RELN: variants seen among roughly 807,000 people sequenced by gnomAD.
The protein encoded by RELN is reelin.
Under a neutral mutation model 427.6 loss-of-function variants are expected in RELN, and 108 were observed. The ratio of observed to expected loss-of-function variants is 0.25; its 90% CI spans 0.22 to 0.30. RELN has a LOEUF of 0.30. Among genes scored for constraint, RELN ranks in the 10% least tolerant of loss-of-function variants. The probability of loss-of-function intolerance (pLI) is 1.00; values close to 1 mark genes in which losing one functional copy is unlikely to be tolerated. For missense variants in RELN, 3,715 were observed against 4,302.8 expected (o/e 0.86, Z 3.82); for synonymous variants, 1,524 against 1,513.4 (o/e 1.01, Z -0.16).
At chr7:103,809,872 A>C (rs148848403) in intron 3 of RELN, among the ~76,000 whole-genome samples, 3 of 152,184 alleles carry the variant, frequency 2.0e-5, no homozygotes, top group African/African-American at 7.2e-5. Context: ...TGCTGTGACC[A>C]TAAGCATCAG....
chr7:103,539,403 T>C, intron 44 of RELN, 76 bp from the exon 45 acceptor site: 1 of 1,468,268 alleles, frequency 6.8e-7, no homozygotes, highest in Non-Finnish European at 9.3e-7. Context: ...TTTTCGTTTG[T>C]TTGTTTGTTT....
intron 3 of RELN, among the ~76,000 whole-genome samples, chr7:103,825,880 T>C (rs1379353959): frequency 6.6e-6 from 1 of 152,102 alleles, no homozygotes; most frequent in Admixed American, 6.6e-5. Flanking sequence ...TGTGTGTATG[T>C]GTGTGTGCCT....
intron 48 of RELN, 107 bp downstream of exon 48, chr7:103,521,915 T>A: frequency 9.0e-7 from 1 of 1,106,884 alleles, no homozygotes; most frequent in South Asian, 1.3e-5. Context: ...ACATTTAGGG[T>A]AACTAACCCT....
chr7:103,516,182 T>A (rs1291718838), intron 49 of RELN, among the ~76,000 whole-genome samples: 1 of 152,046 alleles, frequency 6.6e-6, no homozygotes, highest in Non-Finnish European at 1.5e-5. Flanking sequence ...CAATTATACA[T>A]GAAAACCCAG....
intron 3 of RELN, among the ~76,000 whole-genome samples, chr7:103,802,622 A>G (rs1460575884): frequency 6.6e-6 from 1 of 152,162 alleles, no homozygotes; most frequent in African/African-American, 2.4e-5. Context: ...GCAAAAGATA[A>G]TATTAGCACT....
chr7:103,895,408 AGT>A (rs1794938762), intron 2 of RELN, among the ~76,000 whole-genome samples: 1 of 152,122 alleles, frequency 6.6e-6, no homozygotes, highest in Non-Finnish European at 1.5e-5. Flanking sequence ...ATTTCTGCCT[AGT>A]TTACCATCTG....
At chr7:103,934,406 T>A (rs536741150) in intron 1 of RELN, among the ~76,000 whole-genome samples, 22 of 152,306 alleles carry the variant, frequency 1.4e-4, no homozygotes, top group African/African-American at 5.3e-4. Flanking sequence ...TCTTACAGCT[T>A]AAGCCATAGC....
intron 63 of RELN, among the ~76,000 whole-genome samples, chr7:103,480,094 C>T (rs1828179418): frequency 6.6e-6 from 1 of 152,138 alleles, no homozygotes; most frequent in East Asian, 1.9e-4. Flanking sequence ...AAGATACAAG[C>T]CTCAGTCTGC....
chr7:103,927,573 A>T (rs1795773085), intron 1 of RELN, among the ~76,000 whole-genome samples: 1 of 152,206 alleles, frequency 6.6e-6, no homozygotes, highest in African/African-American at 2.4e-5. Context: ...AGTATAAAAG[A>T]TGAAATAAAT....
chr7:103,644,407 C>CTTT (rs199766997), intron 16 of RELN, among the ~76,000 whole-genome samples: 1 of 134,774 alleles, frequency 7.4e-6, no homozygotes, highest in Non-Finnish European at 1.6e-5. Flanking sequence ...ATAAGTATGT[C>CTTT]TTTTTTTTTT....
At chr7:103,887,067 C>T (rs1445706576) in intron 2 of RELN, among the ~76,000 whole-genome samples, 2 of 152,198 alleles carry the variant, frequency 1.3e-5, no homozygotes, top group Non-Finnish European at 2.9e-5. Flanking sequence ...ATAGTTACTC[C>T]AAAGCCTCTG....
chr7:103,922,248 G>A (rs1008803372), intron 1 of RELN, among the ~76,000 whole-genome samples: 26 of 152,124 alleles, frequency 1.7e-4, no homozygotes, highest in Admixed American at 1.7e-3. Flanking sequence ...TTCAATTATA[G>A]TACTCAAAAA....
chr7:103,554,231 T>C (rs1830476084), intron 38 of RELN, among the ~76,000 whole-genome samples: 1 of 140,276 alleles, frequency 7.1e-6, no homozygotes, highest in Non-Finnish European at 1.6e-5. Context: ...CCATATACTT[T>C]CTGGGGGAAA....
At chr7:103,744,937 C>T (rs1024177237) in intron 6 of RELN, among the ~76,000 whole-genome samples, 3 of 152,174 alleles carry the variant, frequency 2.0e-5, no homozygotes, top group East Asian at 1.9e-4. Context: ...CATCCTGATT[C>T]CAAAGCCTGG....
At chr7:103,724,114 A>G (rs1790143601) in intron 7 of RELN, among the ~76,000 whole-genome samples, 1 of 152,144 alleles carries the variant, frequency 6.6e-6, no homozygotes, top group Admixed American at 6.6e-5. Flanking sequence ...ACCGTATGCA[A>G]TAGAAAGTGG....
rs115147619 is a variant in RELN, at chr7:103,726,028, T to C, written c.753+2083A>G. Among the ~76,000 whole-genome samples the C allele has an allele frequency of 2.1e-3, 315 of 152,312 alleles. 1 individual carries two copies. The highest frequency in any genetic ancestry group is 7.0e-3 in the African/African-American group (292 of 41,568). ...GCTTTATGAAAAATAAGAAGGCATA[T>C]TGTTTAAAAAGTGATGTTTGGGGGC... On this transcript the variant is annotated intron_variant, in intron 7 of 64. Transcript: ENST00000428762.
intron 1 of RELN, among the ~76,000 whole-genome samples, chr7:103,947,960 T>A (rs945097801): frequency 6.6e-6 from 1 of 152,168 alleles, no homozygotes; most frequent in African/African-American, 2.4e-5. Flanking sequence ...TAAGCTAATT[T>A]CTGTCTACAC....
intron 6 of RELN, 121 bp from the exon 7 acceptor site, chr7:103,728,328 G>T: frequency 1.1e-6 from 1 of 929,682 alleles, no homozygotes; most frequent in Non-Finnish European, 1.7e-6. Context: ...TTTGAGGAAA[G>T]TAGGAGTATT....
chr7:103,879,454 C>G (rs1794557754), intron 2 of RELN, among the ~76,000 whole-genome samples: 1 of 152,202 alleles, frequency 6.6e-6, no homozygotes, highest in Non-Finnish European at 1.5e-5. Flanking sequence ...TTGCCTACCA[C>G]AGTGAGGGAA....
Sources: allele counts gnomAD v4.1 joint callset (sites outside exome capture counted in the v4.1 genomes callset), GRCh38; gene constraint gnomAD v4.1.1; transcripts MANE v1.5; gene names NCBI Gene and HGNC (gene_info 2026-07-23, HGNC 2026-07-21).